Variants in ANO3 observed in about 807,000 individuals in gnomAD.
ANO3 encodes anoctamin-3.
ANO3 carries 99 observed loss-of-function variants against 144.8 expected under a neutral mutation model. That is an observed-to-expected ratio of 0.68 (90% CI 0.58 to 0.81). The LOEUF is 0.81. Ranked by LOEUF, ANO3 falls within the 30% of genes least tolerant of loss-of-function variation. ANO3 has a pLI of 0.00. For synonymous variants in ANO3, 414 were observed against 392.6 expected (o/e 1.05, Z -0.64); for missense variants, 905 against 1,202.2 (o/e 0.75, Z 3.66).
chr11:26,249,234 C>A (rs77675868), intron 1 of ANO3, among the ~76,000 whole-genome samples: 1 of 152,042 alleles, frequency 6.6e-6, no homozygotes. Context: ...ATGTAGACAT[C>A]CTTCAGTAAC....
chr11:26,223,247 G>A (rs911586187), intron 1 of ANO3, among the ~76,000 whole-genome samples: 2 of 152,050 alleles, frequency 1.3e-5, no homozygotes, highest in Non-Finnish European at 1.5e-5. Context: ...TCATTATTAT[G>A]TCTGAACTTA....
intron 4 of ANO3, among the ~76,000 whole-genome samples, chr11:26,498,527 G>T (rs1376897151): frequency 6.7e-6 from 1 of 149,920 alleles, no homozygotes; most frequent in African/African-American, 2.4e-5. Flanking sequence ...ATCAATGATA[G>T]TCAATAATTA....
upstream of ANO3, among the ~76,000 whole-genome samples, chr11:26,331,116 A>G (rs566662131): frequency 2.0e-5 from 3 of 152,268 alleles, no homozygotes; most frequent in South Asian, 6.2e-4. Flanking sequence ...AAGTTACTTC[A>G]AAGTGGGAGC....
rs78440820 is a variant in ANO3 at position 26,599,733 on chromosome 11, A to G, written c.1836+19A>G. 3,692 of 1,604,036 alleles carry G rather than the reference A, an allele frequency of 2.3e-3. 69 individuals are homozygous for G. In the African/African-American group the frequency reaches 0.043, roughly 19 times the overall value. On this transcript the variant is annotated intron_variant, in intron 17 of 26. Coordinates refer to ENST00000256737, the MANE Select transcript of ANO3 (RefSeq NM_031418.4). ...GAATCTTGTAAGTGTCTATAATGTT[A>G]TTCTTCAGTAGACAAAAAAGGGGTG...
chr11:26,565,097 T>C (rs1014325708), intron 14 of ANO3: 2 of 1,430,962 alleles, frequency 1.4e-6, no homozygotes, highest in Admixed American at 5.0e-5. Flanking sequence ...TTCCTTAGAC[T>C]TACTCTGCAT....
rs1043386115 is a variant in ANO3 at position 26,581,202 on chromosome 11, T to C, written c.1448-17163T>C. Among the ~76,000 whole-genome samples the C allele has an allele frequency of 2.6e-5, 4 of 152,332 alleles. No individual in the cohort carries two copies. The East Asian group carries it at 5.8e-4, about 22-fold the overall frequency. Reference sequence around the variant, plus strand: ...TAATGTTTACTTAACCTGAGTTGTTTTGAAGATGATGTGACTTAATGTAAA... The same window carrying C: ...TAATGTTTACTTAACCTGAGTTGTTCTGAAGATGATGTGACTTAATGTAAA... On this transcript the variant is annotated intron_variant, in intron 14 of 26. Coordinates refer to ENST00000256737, the MANE Select transcript of ANO3 (RefSeq NM_031418.4).
intron 11 of ANO3, among the ~76,000 whole-genome samples, chr11:26,545,537 T>C (rs1849765230): frequency 6.6e-6 from 1 of 152,064 alleles, no homozygotes; most frequent in Admixed American, 6.6e-5. Context: ...AAAATTCTTG[T>C]ATGGCAATTT....
intron 12 of ANO3, among the ~76,000 whole-genome samples, chr11:26,551,781 A>C (rs1359500238): frequency 6.6e-6 from 1 of 151,952 alleles, no homozygotes; most frequent in Non-Finnish European, 1.5e-5. Flanking sequence ...TATTGACATA[A>C]GAGGAGATAT....
At chr11:26,590,155 C>G (rs1158207255) in intron 14 of ANO3, among the ~76,000 whole-genome samples, 1 of 152,046 alleles carries the variant, frequency 6.6e-6, no homozygotes, top group Non-Finnish European at 1.5e-5. Context: ...ACAAACAAAC[C>G]CAGATGTCTG....
At chr11:26,277,881 A>G (rs1853592335) in intron 1 of ANO3, among the ~76,000 whole-genome samples, 1 of 152,106 alleles carries the variant, frequency 6.6e-6, no homozygotes, top group South Asian at 2.1e-4. Flanking sequence ...CCCAGTAAAG[A>G]TATCTTTATG....
intron 1 of ANO3, among the ~76,000 whole-genome samples, chr11:26,268,165 T>G (rs1030713320): frequency 2.6e-5 from 4 of 152,198 alleles, no homozygotes; most frequent in African/African-American, 9.7e-5. Context: ...AATAAATAGT[T>G]GGTCATTTCA....
At chr11:26,624,921 C>CTTT (rs34454148) in intron 18 of ANO3, among the ~76,000 whole-genome samples, 5 of 144,580 alleles carry the variant, frequency 3.5e-5, no homozygotes, top group African/African-American at 5.1e-5. Flanking sequence ...TACTTTTTAA[C>CTTT]TTTTTTTTTT....
At chr11:26,545,754 G>A (rs1266749635) in intron 11 of ANO3, among the ~76,000 whole-genome samples, 2 of 151,324 alleles carry the variant, frequency 1.3e-5, no homozygotes, top group Non-Finnish European at 2.9e-5. Context: ...TGTGGTTGAT[G>A]TGTGATGGGG....
At chr11:26,319,809 T>C (rs1170289851) in intron 1 of ANO3, among the ~76,000 whole-genome samples, 1 of 152,202 alleles carries the variant, frequency 6.6e-6, no homozygotes, top group Non-Finnish European at 1.5e-5. Flanking sequence ...TTTGACAATG[T>C]TTTTAAAACA....
chr11:26,509,063 A>G lies in ANO3; in HGVS notation c.591+801A>G, dbSNP rs1293291881. Among the ~76,000 whole-genome samples the G allele has an allele frequency of 4.8e-5, 7 of 145,990 alleles. No individual in the cohort carries two copies. The East Asian group carries it at 1.4e-3, about 30-fold the overall frequency. ...TTACACAAAATTAGCCATGATATAT[A>G]TGTACGTATACATATATATACACAC... On this transcript the variant is annotated intron_variant, in intron 5 of 26. Transcript: ENST00000256737.
intron 7 of ANO3, among the ~76,000 whole-genome samples, chr11:26,530,459 GTCTA>G (rs543380394): frequency 0.012 from 1,449 of 124,036 alleles, 17 homozygotes; most frequent in African/African-American, 0.023. Context: ...CTATCTGTCT[GTCTA>G]TCTATCTATC....
At chr11:26,275,387 C>G (rs1316532460) in intron 1 of ANO3, among the ~76,000 whole-genome samples, 1 of 151,998 alleles carries the variant, frequency 6.6e-6, no homozygotes, top group Non-Finnish European at 1.5e-5. Flanking sequence ...TTAGAGAAAT[C>G]TAAAAAAATC....
intron 1 of ANO3, among the ~76,000 whole-genome samples, chr11:26,420,677 T>A (rs1179799415): frequency 6.6e-6 from 1 of 152,088 alleles, no homozygotes; most frequent in Admixed American, 6.6e-5. Context: ...GGTTCTTATA[T>A]CTTGTTCCTT....
chr11:26,567,236 T>TA (rs553567756), intron 14 of ANO3: 7 of 758,840 alleles, frequency 9.2e-6, no homozygotes, highest in African/African-American at 5.4e-5. Context: ...AAATTTACTT[T>TA]AAAAAAATAG....
Sources: allele counts gnomAD v4.1 joint callset (sites outside exome capture counted in the v4.1 genomes callset), GRCh38; gene constraint gnomAD v4.1.1; transcripts MANE v1.5; gene names NCBI Gene and HGNC (gene_info 2026-07-23, HGNC 2026-07-21).